The following DLG2 variants were observed in gnomAD, a reference collection of about 807,000 sequenced individuals.
DLG2 encodes the protein disks large homolog 2.
In DLG2, 45 loss-of-function variants were observed where a neutral mutation model predicts 132.5. That is an observed-to-expected ratio of 0.34 (90% CI 0.27 to 0.44). DLG2 has a LOEUF of 0.44. Among genes scored for constraint, DLG2 ranks in the 20% least tolerant of loss-of-function variants. The pLI is 1.00. For synonymous variants in DLG2, 424 were observed against 419.6 expected (o/e 1.01, Z -0.13); for missense variants, 1,045 against 1,196.9 (o/e 0.87, Z 1.87).
At chr11:84,319,122 T>C (rs1305023928) in intron 7 of DLG2, among the ~76,000 whole-genome samples, 1 of 152,200 alleles carries the variant, frequency 6.6e-6, no homozygotes, top group Non-Finnish European at 1.5e-5. Context: ...TTAATAGTTT[T>C]TGCCTTCTTA....
chr11:84,253,629 TAATAAC>T (rs1468218096), intron 7 of DLG2, among the ~76,000 whole-genome samples: 10 of 152,174 alleles, frequency 6.6e-5, no homozygotes, highest in Admixed American at 6.5e-4. Context: ...TCAAAGGCAA[TAATAAC>T]AATAATTACT....
intron 3 of DLG2, among the ~76,000 whole-genome samples, chr11:85,389,749 T>A (rs1458802004): frequency 2.0e-5 from 3 of 152,122 alleles, no homozygotes; most frequent in Non-Finnish European, 4.4e-5. Flanking sequence ...ATTTTGTATA[T>A]CCAGAGAAAC....
chr11:84,311,094 T>C (rs1034359268), intron 7 of DLG2, among the ~76,000 whole-genome samples: 1 of 152,188 alleles, frequency 6.6e-6, no homozygotes, highest in Non-Finnish European at 1.5e-5. Context: ...GCTGAGAACC[T>C]TGAAGGACAT....
chr11:84,013,334 C>A (rs977877878), intron 11 of DLG2, among the ~76,000 whole-genome samples: 40 of 152,040 alleles, frequency 2.6e-4, no homozygotes, highest in African/African-American at 9.7e-4. Context: ...CTAGTACCTA[C>A]TATGGGCTAG....
chr11:85,260,588 C>T (rs1337859491), intron 4 of DLG2, among the ~76,000 whole-genome samples: 2 of 152,174 alleles, frequency 1.3e-5, no homozygotes, highest in African/African-American at 4.8e-5. Flanking sequence ...TAAAATCCTA[C>T]AATGTGCCAG....
chr11:84,546,470 G>T (rs1376007213), intron 6 of DLG2: 1 of 236,382 alleles, frequency 4.2e-6, no homozygotes, highest in Non-Finnish European at 8.7e-6. Flanking sequence ...AAATTACCCA[G>T]TCTTGGGTAT....
chr11:85,274,236 T>C (rs1231994101), intron 4 of DLG2, among the ~76,000 whole-genome samples: 3 of 152,150 alleles, frequency 2.0e-5, no homozygotes, highest in Non-Finnish European at 2.9e-5. Context: ...ACATGTACCC[T>C]AGAACTTAAA....
chr11:85,199,247 A>G (rs1565147069), intron 4 of DLG2, among the ~76,000 whole-genome samples: 1 of 152,232 alleles, frequency 6.6e-6, no homozygotes, highest in African/African-American at 2.4e-5. Flanking sequence ...GCATACAAAA[A>G]CATGGATGAA....
chr11:85,269,459 C>T (rs759488074), intron 4 of DLG2, among the ~76,000 whole-genome samples: 4 of 152,148 alleles, frequency 2.6e-5, no homozygotes, highest in Non-Finnish European at 4.4e-5. Context: ...CCATGACTCC[C>T]CAAGGGGCAG....
chr11:83,506,938 G>A (rs1264077323), intron 21 of DLG2, among the ~76,000 whole-genome samples: 1 of 152,130 alleles, frequency 6.6e-6, no homozygotes, highest in Non-Finnish European at 1.5e-5. Flanking sequence ...CATAGGAGAT[G>A]AGACTCTCAC....
At chr11:83,938,890 A>C (rs1477933124) in intron 14 of DLG2, among the ~76,000 whole-genome samples, 3 of 152,208 alleles carry the variant, frequency 2.0e-5, no homozygotes, top group Non-Finnish European at 4.4e-5. Context: ...TCCCTTCAAG[A>C]TAACGCTGTT....
intron 9 of DLG2, among the ~76,000 whole-genome samples, chr11:84,118,151 C>T (rs2154198787): frequency 6.6e-6 from 1 of 152,308 alleles, no homozygotes; most frequent in Middle Eastern, 3.4e-3. Context: ...GCCACCACCA[C>T]CCAGCTGGCT....
At chr11:84,960,050 A>G (rs3933734) in intron 6 of DLG2, among the ~76,000 whole-genome samples, 64,068 of 152,064 alleles carry the variant, frequency 0.42, 14,776 homozygotes, top group East Asian at 0.67. Flanking sequence ...TTTTGCACAT[A>G]CCATCTCATT....
chr11:83,624,537 C>A (rs2062167897), intron 19 of DLG2, among the ~76,000 whole-genome samples: 1 of 152,180 alleles, frequency 6.6e-6, no homozygotes, highest in African/African-American at 2.4e-5. Context: ...GAATCAAAAT[C>A]TATTCTGCTT....
At chr11:84,568,757 G>A (rs570971280) in intron 6 of DLG2, among the ~76,000 whole-genome samples, 1 of 152,204 alleles carries the variant, frequency 6.6e-6, no homozygotes, top group South Asian at 2.1e-4. Context: ...CCTTACCCAG[G>A]CAGGGAGATT....
intron 10 of DLG2, among the ~76,000 whole-genome samples, chr11:84,090,301 C>T (rs2154168738): frequency 6.6e-6 from 1 of 151,068 alleles, no homozygotes; most frequent in South Asian, 2.1e-4. Context: ...GTAATCCCAG[C>T]TACTCACGAG....
intron 6 of DLG2, among the ~76,000 whole-genome samples, chr11:85,078,392 A>G (rs2066823933): frequency 6.6e-6 from 1 of 151,784 alleles, no homozygotes; most frequent in African/African-American, 2.4e-5. Context: ...CAGGCAGAAG[A>G]AAAAGCAAGT....
chr11:84,398,416 G>T (rs1409550515), intron 7 of DLG2, among the ~76,000 whole-genome samples: 2 of 152,192 alleles, frequency 1.3e-5, no homozygotes, highest in Admixed American at 1.3e-4. Flanking sequence ...GGTTTTGGAA[G>T]TAATCATCAA....
intron 3 of DLG2, among the ~76,000 whole-genome samples, chr11:85,345,300 A>G (rs979385063): frequency 1.3e-5 from 2 of 152,104 alleles, no homozygotes; most frequent in African/African-American, 4.8e-5. Flanking sequence ...TCCTTGGGGC[A>G]CAATATTGCT....
Sources: gnomAD v4.1 joint callset for allele counts (sites outside exome capture counted in the v4.1 genomes callset) on GRCh38, gnomAD v4.1.1 for gene constraint, MANE v1.5 for transcripts, NCBI Gene and HGNC (gene_info 2026-07-23, HGNC 2026-07-21) for gene names.